SIVA1: variants seen among roughly 807,000 people sequenced by gnomAD.
SIVA1 encodes the protein SIVA1 apoptosis inducing factor, also known as apoptosis regulatory protein Siva.
Under a neutral mutation model 19.7 loss-of-function variants are expected in SIVA1, and 10 were observed. The observed-to-expected ratio is 0.51, with a 90% CI of 0.31 to 0.86. The LOEUF (loss-of-function observed/expected upper bound fraction) is 0.86. Ranked by LOEUF, SIVA1 falls within the 40% of genes least tolerant of loss-of-function variation. The pLI is 0.04. For synonymous variants in SIVA1, 130 were observed against 106.1 expected, an observed-to-expected ratio of 1.23 and a Z score of -1.39; for missense variants, 241 against 245.2, an observed-to-expected ratio of 0.98 and a Z score of 0.11.
chr14:104,756,352 G>C, intron 2 of SIVA1: 2 of 569,454 alleles, frequency 3.5e-6, no homozygotes, highest in Non-Finnish European at 3.1e-6. Context: ...GTAGCAGAGG[G>C]ACCTGGTAAG....
At chr14:104,756,823 C>T (rs148424950) in intron 3 of SIVA1, 63 bp downstream of exon 3, 24,132 of 1,530,004 alleles carry the variant, frequency 0.016, 251 homozygotes, top group Non-Finnish European at 0.019. Context: ...TGATGGGGGA[C>T]GGGTGGGTCA....
At position 104,759,497 on chromosome 14, in the gene SIVA1, G is replaced by A. The variant is rs757236168; in HGVS notation, c.*12G>A. 2 of 1,608,234 alleles carry A rather than the reference G, an allele frequency of 1.2e-6. No homozygotes were observed. The highest frequency in any genetic ancestry group is 1.7e-6 in the Non-Finnish European group (2 of 1,179,502). ...TGTTCGAGACCTGAGGCTGGCTCAA[G>A]CCGGCTGCCTTCACCGGGAGCCACG... On this transcript the variant is annotated 3_prime_UTR_variant, in exon 4 of 4. Transcript: ENST00000329967. This position sits in a 1 kb window ranked among gnomAD's most constrained non-coding sequence, Gnocchi z 4.2.
chr14:104,754,264 G>A (rs368303474), intron 1 of SIVA1, among the ~76,000 whole-genome samples: 1 of 152,178 alleles, frequency 6.6e-6, no homozygotes, highest in Non-Finnish European at 1.5e-5. Context: ...ATGACCCGGG[G>A]TGTGTGATTT....
chr14:104,753,571 C>A (rs1371444666), intron 1 of SIVA1: 2 of 517,012 alleles, frequency 3.9e-6, no homozygotes, highest in African/African-American at 4.0e-5. Context: ...CTGCCCCTAG[C>A]CCCCGCGCCC....
At position 104,759,311 on chromosome 14, in the gene SIVA1, A is replaced by G. The variant is rs1450673758; in HGVS notation, c.471-117A>G. On this transcript the variant is annotated intron_variant, in intron 3 of 3. Coordinates refer to ENST00000329967, the MANE Select transcript of SIVA1 (RefSeq NM_006427.4). This position sits in a 1 kb window ranked among gnomAD's most constrained non-coding sequence, Gnocchi z 4.2. ...GCCCGCAGTGATCCTGTCTCCAGAT[A>G]AGGTCATGTCCTGAGGTGTTCTGGG... is the stretch of plus-strand genomic sequence containing the variant. 1 of 771,110 alleles carries G rather than the reference A, an allele frequency of 1.3e-6. No homozygotes were observed. Among genetic ancestry groups the G allele is most frequent in the East Asian group, 2.8e-5 (1 of 35,846 alleles). 47.8% of individuals were successfully genotyped at this position (771,110 alleles called of 1,614,324 possible).
At chr14:104,756,262 C>T (rs551607667) in intron 2 of SIVA1, 1 of 458,718 alleles carries the variant, frequency 2.2e-6, no homozygotes, top group Non-Finnish European at 4.0e-6. Context: ...AGGCAGTGGG[C>T]CACACTGAGA....
Position 104,753,218 on chromosome 14 carries a change from G to T in SIVA1, c.17G>T (p.Cys6Phe), listed in dbSNP as rs762666875. 2.0e-5 allele frequency: 32 copies of T among 1,578,722 alleles called. No individual in the cohort carries two copies. Among genetic ancestry groups the T allele is most frequent in the Middle Eastern group, 1.8e-4 (1 of 5,642 alleles). MPKRS[C>F]PFADVAPLQL... is the part of the protein sequence containing the mutation. ...CCCGCGGCCATGCCCAAGCGGAGCT[G>T]CCCCTTCGCGGACGTGGCCCCGCTA... The change falls in exon 1 of 4, where the codon TGC becomes TTC. Residue 6 changes from cysteine (C) to phenylalanine (F), a missense_variant. Cys to Phe is a radical substitution (Grantham distance 205). Transcript: ENST00000329967.
chr14:104,757,419 A>G (rs1293527000), intron 3 of SIVA1: 1 of 284,220 alleles, frequency 3.5e-6, no homozygotes, highest in African/African-American at 2.3e-5. Flanking sequence ...GAAATTGTCC[A>G]TCTAAAATAG....
chr14:104,754,357 G>A (rs1891815435), intron 1 of SIVA1, among the ~76,000 whole-genome samples: 1 of 152,182 alleles, frequency 6.6e-6, no homozygotes, highest in African/African-American at 2.4e-5. Context: ...AGTGTGCTAG[G>A]GCTGTGAAAG....
rs1892007357 is a variant in SIVA1, at chr14:104,759,313, G to A, written c.471-115G>A. The A allele has an allele frequency of 1.3e-6, 1 of 794,104 alleles. No individual in the cohort carries two copies. Among genetic ancestry groups the A allele is most frequent in the Non-Finnish European group, 2.1e-6 (1 of 486,176 alleles). The allele number at this position is 794,104 out of a possible 1,614,324, so 49.2% of individuals were successfully genotyped here. A position where few individuals can be genotyped will look rare whatever the true frequency, so the allele number is the denominator to read the frequency against. The stretch of plus-strand genomic sequence containing the variant: ...CCGCAGTGATCCTGTCTCCAGATAA[G>A]GTCATGTCCTGAGGTGTTCTGGGTT... On this transcript the variant is annotated intron_variant, in intron 3 of 3. Coordinates refer to ENST00000329967, the MANE Select transcript of SIVA1 (RefSeq NM_006427.4). This position sits in a 1 kb window ranked among gnomAD's most constrained non-coding sequence, Gnocchi z 4.2.
intron 2 of SIVA1, 146 bp downstream of exon 2, chr14:104,755,970 C>G: frequency 1.3e-6 from 1 of 782,864 alleles, no homozygotes; most frequent in Non-Finnish European, 2.2e-6. Context: ...TCAGAAGGCT[C>G]CTGTTATCAG....
chr14:104,753,414 A>C (rs1209293958), intron 1 of SIVA1, 95 bp downstream of exon 1: 1 of 824,336 alleles, frequency 1.2e-6, no homozygotes, highest in Non-Finnish European at 1.8e-6. Flanking sequence ...GGGGGGCTGG[A>C]GGGCCCTGCT....
chr14:104,755,460 G>A (rs1328707206), intron 1 of SIVA1, among the ~76,000 whole-genome samples, 170 bp from the exon 2 acceptor site: 4 of 152,228 alleles, frequency 2.6e-5, no homozygotes, highest in South Asian at 4.1e-4. Flanking sequence ...TCAGCATAGA[G>A]GCAGAGCAGG....
At chr14:104,756,045 A>G (rs917065951) in intron 2 of SIVA1, 8 of 670,732 alleles carry the variant, frequency 1.2e-5, no homozygotes, top group Admixed American at 1.1e-4. Flanking sequence ...AAAAAGCAGC[A>G]GAGACTCCCC....
rs528053540 is a variant in SIVA1, at chr14:104,756,546, C to T, written c.314-58C>T. The T allele has an allele frequency of 4.4e-5, 70 of 1,601,984 alleles. 1 individual carries two copies. The Middle Eastern group carries it at 1.8e-3, about 42-fold the overall frequency. On this transcript the variant is annotated intron_variant, in intron 2 of 3. Coordinates refer to ENST00000329967, the MANE Select transcript of SIVA1 (RefSeq NM_006427.4). Reference sequence around the variant, plus strand: ...GTATGCATGGAGGCAGGTAGCCCGGCAGTCCCGGAAACTCCAGTCTCCTTG... The same window carrying T: ...GTATGCATGGAGGCAGGTAGCCCGGTAGTCCCGGAAACTCCAGTCTCCTTG...
At position 104,759,583 on chromosome 14, in the gene SIVA1, C is replaced by T. The variant is rs910160519; in HGVS notation, c.*98C>T. 6 of 910,074 alleles carry T rather than the reference C, an allele frequency of 6.6e-6. No individual in the cohort carries two copies. The highest frequency in any genetic ancestry group is 2.9e-5 in the South Asian group (2 of 69,670). The allele number at this position is 910,074 out of a possible 1,614,324, so 56.4% of individuals were successfully genotyped here. A position where few individuals can be genotyped will look rare whatever the true frequency, so the allele number is the denominator to read the frequency against. ...TGTTCACACTGAACTGTGGGGTCGA[C>T]GGGAGGGGTGCCTTTTACATGTTCT... On this transcript the variant is annotated 3_prime_UTR_variant, in exon 4 of 4. Coordinates refer to ENST00000329967, the MANE Select transcript of SIVA1 (RefSeq NM_006427.4). The surrounding 1 kb of genome is among the most constrained non-coding windows in gnomAD (Gnocchi z 4.2).
At chr14:104,757,404 T>C (rs1477071860) in intron 3 of SIVA1, 1 of 306,146 alleles carries the variant, frequency 3.3e-6, no homozygotes, top group Non-Finnish European at 6.7e-6. Flanking sequence ...GTCCAAACAA[T>C]GTCTGAAATT....
intron 3 of SIVA1, chr14:104,757,154 T>C (rs1454471482): frequency 8.7e-6 from 3 of 343,854 alleles, no homozygotes; most frequent in African/African-American, 4.3e-5. Context: ...GCCGTTTGGT[T>C]GTAGACCCTC....
At chr14:104,754,972 G>A (rs1891836953) in intron 1 of SIVA1, among the ~76,000 whole-genome samples, 2 of 152,286 alleles carry the variant, frequency 1.3e-5, no homozygotes, top group South Asian at 4.1e-4. Flanking sequence ...TCTGGCCCTG[G>A]GCATCTGATT....
Sources: gnomAD v4.1 joint callset for allele counts (sites outside exome capture counted in the v4.1 genomes callset) on GRCh38, gnomAD v4.1.1 for gene constraint, Gnocchi (gnomAD v3.1) non-coding constraint, MANE v1.5 for transcripts, NCBI Gene and HGNC (gene_info 2026-07-23, HGNC 2026-07-21) for gene names.